Variants in EPG5 observed in about 807,000 individuals in gnomAD.
EPG5 encodes the protein ectopic P-granules 5 autophagy tethering factor.
In EPG5, 159 loss-of-function variants were observed where a neutral mutation model predicts 302.7. That is an observed-to-expected ratio of 0.53 (90% CI 0.46 to 0.60). The LOEUF (loss-of-function observed/expected upper bound fraction) is 0.60, where lower values mean the gene tolerates loss of function less well. Among genes scored for constraint, EPG5 ranks in the 20% least tolerant of loss-of-function variants. EPG5 has a pLI of 0.00. For missense variants in EPG5, 2,896 were observed against 3,092.4 expected (o/e 0.94, Z 1.51); for synonymous variants, 1,158 against 1,136.8 (o/e 1.02, Z -0.37).
chr18:45,952,530 G>T lies in EPG5; in HGVS notation c.1122C>A (p.His374Gln). Residue 374 changes from histidine to glutamine, a missense_variant, in exon 3 of 44, where the codon CAC becomes CAA. This residue lies in a region of EPG5 where 1,390 missense variants were observed against 1,430.0 expected (regional missense o/e 0.97). Coordinates refer to ENST00000282041, the MANE Select transcript of EPG5 (RefSeq NM_020964.3). ...AATGAAGGGCCAGGGTCTGGTGGAGGTGCTCAGATTTGGCATCGAATAGCT... is the reference window on the plus strand; with the variant it reads ...AATGAAGGGCCAGGGTCTGGTGGAGTTGCTCAGATTTGGCATCGAATAGCT... ...LKKLFDAKSEHLHQTLALHSY... is the reference protein window; with the variant it reads ...LKKLFDAKSEQLHQTLALHSY... 2 of 1,614,146 alleles carry T rather than the reference G, an allele frequency of 1.2e-6. No individual in the cohort carries two copies. The highest frequency in any genetic ancestry group is 1.7e-6 in the Non-Finnish European group (2 of 1,180,018).
chr18:45,918,820 G>C (rs573564305), intron 16 of EPG5, among the ~76,000 whole-genome samples: 1 of 152,286 alleles, frequency 6.6e-6, no homozygotes, highest in East Asian at 1.9e-4. Context: ...AAAGTTATTT[G>C]TGGAGGCGAA....
rs1225371426 is a variant in EPG5 at position 45,861,870 on chromosome 18, GTTATTATAAT to G, written c.6767-1534_6767-1525del. ...GGTATGACAATCTTAGTCATTCACA[GTTATTATAAT>G]TAATTACTGATGTAGCTGGGTCTAA... On this transcript the variant is annotated intron_variant, in intron 39 of 43. Transcript: ENST00000282041. Among the ~76,000 whole-genome samples, 6 of 152,088 alleles carry G rather than the reference GTTATTATAAT, an allele frequency of 3.9e-5. No homozygotes were observed. The East Asian group carries it at 1.2e-3, about 29-fold the overall frequency.
chr18:45,890,592 A>G (rs2049321347), intron 27 of EPG5, among the ~76,000 whole-genome samples: 1 of 151,338 alleles, frequency 6.6e-6, no homozygotes, highest in Non-Finnish European at 1.5e-5. Flanking sequence ...AAAAAAAACT[A>G]AATTTTTTTC....
chr18:45,908,352 C>T (rs1283975448), intron 23 of EPG5, among the ~76,000 whole-genome samples: 2 of 152,084 alleles, frequency 1.3e-5, no homozygotes. Flanking sequence ...GATTTAAATA[C>T]AGTACACAGA....
At chr18:45,865,066 A>T (rs1350809584) in intron 39 of EPG5, among the ~76,000 whole-genome samples, 1 of 152,164 alleles carries the variant, frequency 6.6e-6, no homozygotes, top group Non-Finnish European at 1.5e-5. Context: ...CTTCAGGGTG[A>T]CAGCAGCCTC....
chr18:45,928,651 T>C (rs1465628059), intron 13 of EPG5, among the ~76,000 whole-genome samples: 1 of 152,228 alleles, frequency 6.6e-6, no homozygotes, highest in Non-Finnish European at 1.5e-5. Flanking sequence ...AAGTCAACCT[T>C]GAGATTTGAG....
intron 1 of EPG5, among the ~76,000 whole-genome samples, chr18:45,965,820 A>G (rs1012334642): frequency 7.9e-5 from 12 of 152,064 alleles, no homozygotes; most frequent in African/African-American, 2.9e-4. Flanking sequence ...TTGGGAGGCC[A>G]AGATGGGCGG....
chr18:45,959,769 G>A (rs907506752), intron 1 of EPG5, among the ~76,000 whole-genome samples: 2 of 151,886 alleles, frequency 1.3e-5, no homozygotes, highest in Non-Finnish European at 2.9e-5. Flanking sequence ...CACCTGAGGT[G>A]AGGAGTTCAA....
chr18:45,934,699 T>C (rs1331726781), intron 11 of EPG5, 110 bp downstream of exon 11: 10 of 1,217,394 alleles, frequency 8.2e-6, no homozygotes, highest in Non-Finnish European at 1.1e-5. Flanking sequence ...CACATGAGTA[T>C]GTAGAGTAAA....
intron 25 of EPG5, among the ~76,000 whole-genome samples, chr18:45,903,372 G>C (rs985431543): frequency 2.0e-5 from 3 of 152,124 alleles, no homozygotes; most frequent in Non-Finnish European, 4.4e-5. Flanking sequence ...GAAGTCCAGA[G>C]AAGTTCTTAT....
At chr18:45,899,629 G>T in intron 26 of EPG5, 63 bp from the exon 27 acceptor site, 1 of 1,553,246 alleles carries the variant, frequency 6.4e-7, no homozygotes, top group South Asian at 1.1e-5. Flanking sequence ...AGGTGATAAA[G>T]GCTTCCAGTT....
At chr18:45,960,894 T>C (rs554633056) in intron 1 of EPG5, among the ~76,000 whole-genome samples, 2 of 152,296 alleles carry the variant, frequency 1.3e-5, no homozygotes, top group East Asian at 1.9e-4. Context: ...CATGTAAAGA[T>C]GTAGAATAGG....
At chr18:45,825,603 G>A in the EPG5 span, 1 of 919,308 alleles carries the variant, frequency 1.1e-6, no homozygotes, top group Non-Finnish European at 1.7e-6. Flanking sequence ...GAGCCCACAG[G>A]GACCTGCAGA....
At chr18:45,815,749 A>G in the EPG5 span, among the ~76,000 whole-genome samples, 1 of 152,200 alleles carries the variant, frequency 6.6e-6, no homozygotes, top group Non-Finnish European at 1.5e-5. Flanking sequence ...ACAATTCACA[A>G]CGATACTACC....
intron 1 of EPG5, among the ~76,000 whole-genome samples, chr18:45,961,023 C>A (rs1027872425): frequency 6.6e-6 from 1 of 152,144 alleles, no homozygotes; most frequent in African/African-American, 2.4e-5. Flanking sequence ...CAGCTTTCTC[C>A]TTCTCAGGGT....
chr18:45,919,894 G>A (rs2050117585), intron 16 of EPG5, among the ~76,000 whole-genome samples: 1 of 152,210 alleles, frequency 6.6e-6, no homozygotes, highest in Non-Finnish European at 1.5e-5. Flanking sequence ...GAAACCTGAA[G>A]TACAGGAAGC....
At chr18:45,815,292 G>A in the EPG5 span, among the ~76,000 whole-genome samples, 1 of 151,984 alleles carries the variant, frequency 6.6e-6, no homozygotes, top group African/African-American at 2.4e-5. Flanking sequence ...AAGTATTTAT[G>A]ACTATGAATG....
chr18:45,887,780 A>G lies in EPG5; in HGVS notation c.5080T>C (p.Phe1694Leu). The G allele has an allele frequency of 6.3e-7, 1 of 1,589,052 alleles. No individual in the cohort carries two copies. Among genetic ancestry groups the G allele is most frequent in the Non-Finnish European group, 8.6e-7 (1 of 1,161,446 alleles). Reference protein sequence around the residue: ...TQRHPPTRQFFTSCIEILGQV... With the variant: ...TQRHPPTRQFLTSCIEILGQV... ...CCCAAGATCTCAATACATGAAGTAA[A>G]GAACTGCCTTGTTGGGGGATGACGC... Residue 1694 changes from phenylalanine (F) to leucine (L), a missense_variant, in exon 29 of 44, where the codon TTT becomes CTT. Phe to Leu is a conservative substitution (Grantham distance 22). Transcript: ENST00000282041.
intron 27 of EPG5, 91 bp downstream of exon 27, chr18:45,899,313 C>CTA: frequency 2.8e-6 from 4 of 1,420,398 alleles, no homozygotes; most frequent in Non-Finnish European, 3.9e-6. Context: ...AGACAGTGTG[C>CTA]TATATATGTC....
Sources: allele counts gnomAD v4.1 joint callset (sites outside exome capture counted in the v4.1 genomes callset), GRCh38; gene constraint gnomAD v4.1.1; regional missense constraint gnomAD v4.1.1; transcripts MANE v1.5; gene names NCBI Gene and HGNC (gene_info 2026-07-23, HGNC 2026-07-21).